DDX24: variants seen among roughly 807,000 people sequenced by gnomAD.
DDX24 encodes the protein DEAD-box helicase 24, also known as ATP-dependent RNA helicase DDX24.
A neutral mutation model predicts 68.9 loss-of-function variants in DDX24; 24 were observed. That is an observed-to-expected ratio of 0.35 (90% CI 0.25 to 0.49). The LOEUF is 0.49. Ranked by LOEUF, DDX24 falls within the 20% of genes least tolerant of loss-of-function variation. The probability of loss-of-function intolerance (pLI) is 0.99; values close to 1 mark genes in which losing one functional copy is unlikely to be tolerated. For synonymous variants in DDX24, 395 were observed against 385.2 expected, an observed-to-expected ratio of 1.03 and a Z score of -0.30; for missense variants, 989 against 1,039.0, an observed-to-expected ratio of 0.95 and a Z score of 0.66.
intron 6 of DDX24, chr14:94,056,653 C>T (rs1310943184): frequency 4.6e-5 from 7 of 152,132 alleles, no homozygotes; most frequent in African/African-American, 7.2e-5. Flanking sequence ...GAACCCAAAG[C>T]GGGGGGTCAT....
intron 8 of DDX24, 105 bp downstream of exon 8, chr14:94,052,893 C>T (rs1039666370): frequency 6.8e-7 from 1 of 1,466,634 alleles, no homozygotes; most frequent in Non-Finnish European, 9.1e-7. Context: ...GGAAGGACGC[C>T]TTGCTGATTT....
intron 4 of DDX24, 100 bp from the exon 5 acceptor site, chr14:94,060,713 C>G: frequency 6.9e-7 from 1 of 1,439,876 alleles, no homozygotes; most frequent in African/African-American, 1.4e-5. Context: ...CACACACACA[C>G]GTACACACCC....
chr14:94,059,969 AG>A, intron 5 of DDX24, 128 bp downstream of exon 5: 1 of 1,125,164 alleles, frequency 8.9e-7, no homozygotes, highest in Non-Finnish European at 1.2e-6. Flanking sequence ...AAAAAAAAAA[AG>A]GCTACCTACT....
rs1295520816 is a variant in DDX24 at position 94,048,624 on chromosome 14, G to C, written c.*2567C>G. The C allele has an allele frequency of 6.6e-6, 1 of 152,234 alleles. No homozygotes were observed. Among genetic ancestry groups the C allele is most frequent in the Admixed American group, 6.5e-5 (1 of 15,284 alleles). 9.4% of individuals were successfully genotyped at this position (152,234 alleles called of 1,614,324 possible). A position where few individuals can be genotyped will look rare whatever the true frequency, so the allele number is the denominator to read the frequency against. On this transcript the variant is annotated 3_prime_UTR_variant, in exon 9 of 9. Transcript: ENST00000621632. ...ATTATACCTGACACACTCATCGTATGGGCTCTGCAAAGGGATATTCCCCAA... is the reference window on the plus strand; with the variant it reads ...ATTATACCTGACACACTCATCGTATCGGCTCTGCAAAGGGATATTCCCCAA...
At chr14:94,056,199 T>C (rs778434995) in intron 6 of DDX24, 1 of 152,228 alleles carries the variant, frequency 6.6e-6, no homozygotes, top group Non-Finnish European at 1.5e-5. Context: ...CAGTGAAATA[T>C]GTATTTGCTC....
At chr14:94,071,014 A>G (rs1489008572) in intron 2 of DDX24, among the ~76,000 whole-genome samples, 1 of 152,240 alleles carries the variant, frequency 6.6e-6, no homozygotes, top group East Asian at 1.9e-4. Flanking sequence ...AATATCTGGG[A>G]CCTAATTAAA....
Position 94,048,626 on chromosome 14 carries a change from G to T in DDX24, c.*2565C>A, listed in dbSNP as rs1885326531. The T allele has an allele frequency of 2.0e-5, 3 of 152,350 alleles. No homozygotes were observed. In the South Asian group the frequency reaches 6.2e-4, roughly 32 times the overall value. 9.4% of individuals were successfully genotyped at this position (152,350 alleles called of 1,614,324 possible). A position where few individuals can be genotyped will look rare whatever the true frequency, so the allele number is the denominator to read the frequency against. On this transcript the variant is annotated 3_prime_UTR_variant, in exon 9 of 9. Transcript: ENST00000621632. ...TATACCTGACACACTCATCGTATGG[G>T]CTCTGCAAAGGGATATTCCCCAACC...
At chr14:94,078,847 G>A in intron 2 of DDX24, 178 bp downstream of exon 2, 1 of 657,628 alleles carries the variant, frequency 1.5e-6, no homozygotes, top group Non-Finnish European at 2.6e-6. Context: ...GATCTGGCTA[G>A]GATACCATTC....
At chr14:94,071,733 G>T (rs11160160) in intron 2 of DDX24, among the ~76,000 whole-genome samples, 4,474 of 152,212 alleles carry the variant, frequency 0.029, 192 homozygotes, top group African/African-American at 0.095. Context: ...ATCACCCGAG[G>T]TCGGGAGTTT....
chr14:94,062,731 C>G, intron 2 of DDX24, 110 bp from the exon 3 acceptor site: 1 of 1,336,938 alleles, frequency 7.5e-7, no homozygotes, highest in East Asian at 2.5e-5. Flanking sequence ...AAGTGCCACC[C>G]TGACCGACCC....
Position 94,057,914 on chromosome 14 carries a change from A to G in DDX24, c.1914-17T>C. On this transcript the variant is annotated splice_polypyrimidine_tract_variant and intron_variant, in intron 5 of 8. Coordinates refer to ENST00000621632, the MANE Select transcript of DDX24 (RefSeq NM_020414.4). The stretch of plus-strand genomic sequence containing the variant: ...AGAACACAGCTGGGGTAGAGAGAGA[A>G]AGCTTATTAATAATAACTAACAGCT... 2 of 1,610,328 alleles carry G rather than the reference A, an allele frequency of 1.2e-6. No individual in the cohort carries two copies. The highest frequency in any genetic ancestry group is 1.7e-6 in the Non-Finnish European group (2 of 1,178,406).
chr14:94,073,077 TTTTC>T (rs1290807028), intron 2 of DDX24, among the ~76,000 whole-genome samples: 5 of 136,290 alleles, frequency 3.7e-5, no homozygotes, highest in Admixed American at 7.5e-5. Context: ...ACTCAATTAA[TTTTC>T]TTTTCTTTTT....
In DDX24 at chr14:94,055,016, T is replaced by C. The variant is rs1346258367; in HGVS notation, c.2158A>G (p.Lys720Glu). The change falls in exon 7 of 9, where the codon AAA (lysine) becomes GAA (glutamate). Residue 720 changes from lysine (K) to glutamate (E), a missense_variant. This residue lies in a region of DDX24 where 691 missense variants were observed against 760.0 expected (regional missense o/e 0.91). Transcript: ENST00000621632. ...EDIPLFPVQT[K>E]YMDVVKERIR... ...TCTACCTTGACCACATCCATGTATT[T>C]TGTCTGCACGGGGAACAGTGGGATA... The C allele has an allele frequency of 1.3e-5, 21 of 1,614,088 alleles. No homozygotes were observed. The highest frequency in any genetic ancestry group is 1.0e-4 in the Admixed American group (6 of 60,006).
rs1283178111 is a variant in DDX24 at position 94,049,622 on chromosome 14, G to A, written c.*1569C>T. On this transcript the variant is annotated 3_prime_UTR_variant, in exon 9 of 9. Coordinates refer to ENST00000621632, the MANE Select transcript of DDX24 (RefSeq NM_020414.4). ...TAATAAAGACTTATAGATGGGCACAGTGGCTCACACCTGTAATCTCAGTAC... is the reference window on the plus strand; with the variant it reads ...TAATAAAGACTTATAGATGGGCACAATGGCTCACACCTGTAATCTCAGTAC... The A allele has an allele frequency of 2.0e-5, 3 of 152,166 alleles. No individual in the cohort carries two copies. The highest frequency in any genetic ancestry group is 4.4e-5 in the Non-Finnish European group (3 of 68,078). 9.4% of individuals were successfully genotyped at this position (152,166 alleles called of 1,614,324 possible).
In DDX24 at chr14:94,067,954, AAACT is replaced by A. The variant is rs1418845882; in HGVS notation, c.719-5337_719-5334del. Among the ~76,000 whole-genome samples, 6 of 152,306 alleles carry A rather than the reference AAACT, an allele frequency of 3.9e-5. No individual in the cohort carries two copies. The East Asian group carries it at 1.2e-3, about 29-fold the overall frequency. ...GTTAAAAAGCAAAAACAAAAAAACA[AAACT>A]AAAGTACACAGGCAACAAAGAGCAT... On this transcript the variant is annotated intron_variant, in intron 2 of 8. Transcript: ENST00000621632.
At chr14:94,078,914 T>C (rs1885998829) in intron 2 of DDX24, 111 bp downstream of exon 2, 1 of 1,193,744 alleles carries the variant, frequency 8.4e-7, no homozygotes, top group African/African-American at 1.5e-5. Context: ...TATTCAGCGT[T>C]GCTTTTGTGG....
At chr14:94,067,102 G>T (rs1325019224) in intron 2 of DDX24, among the ~76,000 whole-genome samples, 1 of 152,128 alleles carries the variant, frequency 6.6e-6, no homozygotes, top group Non-Finnish European at 1.5e-5. Context: ...GATACAAGAA[G>T]TGGAGGGAGA....
At chr14:94,072,256 G>A (rs372996439) in intron 2 of DDX24, among the ~76,000 whole-genome samples, 1 of 152,312 alleles carries the variant, frequency 6.6e-6, no homozygotes, top group African/African-American at 2.4e-5. Flanking sequence ...ATACAGGATG[G>A]AATACTATGC....
chr14:94,060,951 TTTAA>T lies in DDX24; in HGVS notation c.1355_1358del (p.Ile452LysfsTer7). On this transcript the variant is annotated frameshift_variant, in exon 4 of 9. Coordinates refer to ENST00000621632, the MANE Select transcript of DDX24 (RefSeq NM_020414.4). LOFTEE classifies it high-confidence loss of function. Reference sequence around the variant, plus strand: ...GGTTCCTCAAATGATAATGCTTTTCTTTAATTAATTCCCACAGCCGGCCTGGAGT... The same window carrying T: ...GGTTCCTCAAATGATAATGCTTTTCTTTAATTCCCACAGCCGGCCTGGAGT... 1.9e-6 allele frequency: 3 copies of T among 1,614,230 alleles called. No homozygotes were observed. The highest frequency in any genetic ancestry group is 1.7e-6 in the Non-Finnish European group (2 of 1,180,036).
Sources: allele counts gnomAD v4.1 joint callset (sites outside exome capture counted in the v4.1 genomes callset), GRCh38; gene constraint gnomAD v4.1.1; regional missense constraint gnomAD v4.1.1; transcripts MANE v1.5; gene names NCBI Gene and HGNC (gene_info 2026-07-23, HGNC 2026-07-21).